CCDC88C: variants seen among roughly 807,000 people sequenced by gnomAD.
CCDC88C encodes the protein coiled-coil and HOOK domain protein 88C.
CCDC88C carries 131 observed loss-of-function variants against 198.8 expected under a neutral mutation model. That is an observed-to-expected ratio of 0.66 (90% CI 0.57 to 0.76). CCDC88C has a LOEUF of 0.76. Among genes scored for constraint, CCDC88C ranks in the 30% least tolerant of loss-of-function variants. The pLI is 0.00. For synonymous variants in CCDC88C, 1,166 were observed against 1,114.7 expected (o/e 1.05, Z -0.92); for missense variants, 2,553 against 2,631.6 (o/e 0.97, Z 0.65).
chr14:91,313,312 T>A lies in CCDC88C; in HGVS notation c.2504A>T (p.Lys835Met). 3.7e-6 allele frequency: 6 copies of A among 1,613,794 alleles called. No homozygotes were observed. The highest frequency in any genetic ancestry group is 5.1e-6 in the Non-Finnish European group (6 of 1,179,890). The change falls in exon 15 of 30, where the codon AAG (lysine) becomes ATG (methionine). Residue 835 changes from lysine to methionine, a missense_variant. Lys to Met is a moderately conservative substitution (Grantham distance 95, BLOSUM62 -1). This residue lies in a region of CCDC88C where 1,260 missense variants were observed against 1,412.0 expected (regional missense o/e 0.89). Coordinates refer to ENST00000389857, the MANE Select transcript of CCDC88C (RefSeq NM_001080414.4). The surrounding 1 kb of genome is among the most constrained non-coding windows in gnomAD (Gnocchi z 5.2). ...CCGCTTGGCCTCCTTCTCCAGCAGC[T>A]TCTTATCCTTCTCGAGCTGGGCCAC... ...QEVAQLEKDK[K>M]LLEKEAKRLW...
intron 3 of CCDC88C, among the ~76,000 whole-genome samples, chr14:91,366,498 TA>T (rs199878819): frequency 0.065 from 9,694 of 150,006 alleles, 1,035 homozygotes; most frequent in African/African-American, 0.22. Context: ...AATATAAAAA[TA>T]AAAAAAAACA....
chr14:91,344,608 T>G (rs546300788), intron 4 of CCDC88C, among the ~76,000 whole-genome samples: 3 of 150,992 alleles, frequency 2.0e-5, no homozygotes, highest in Non-Finnish European at 3.0e-5. Flanking sequence ...GCCTCCTGGG[T>G]TCATGCCATT....
intron 3 of CCDC88C, among the ~76,000 whole-genome samples, chr14:91,398,404 CCAA>C (rs1885975053): frequency 6.6e-6 from 1 of 152,204 alleles, no homozygotes; most frequent in African/African-American, 2.4e-5. Flanking sequence ...GCCTGTAACC[CCAA>C]CACCTTGGGA....
intron 2 of CCDC88C, among the ~76,000 whole-genome samples, chr14:91,410,279 A>G (rs1325964100): frequency 2.0e-5 from 3 of 152,198 alleles, no homozygotes; most frequent in Admixed American, 6.5e-5. Context: ...GACACCGCAA[A>G]GGATGGCTAA....
At position 91,293,361 on chromosome 14, in the gene CCDC88C, ACGGCCCACCT is replaced by A. The variant is rs1890783646; in HGVS notation, c.4112+802_4112+811del. 6.2e-5 allele frequency among the ~76,000 whole-genome samples: 5 copies of A among 80,924 alleles called. 1 individual carries two copies. The highest frequency in any genetic ancestry group is 4.7e-4 in the South Asian group (1 of 2,136). The allele number at this position is 80,924 out of a possible 152,430, so 53.1% of individuals were successfully genotyped here. A position where few individuals can be genotyped will look rare whatever the true frequency, so the allele number is the denominator to read the frequency against. On this transcript the variant is annotated intron_variant, in intron 23 of 29. Coordinates refer to ENST00000389857, the MANE Select transcript of CCDC88C (RefSeq NM_001080414.4). The stretch of plus-strand genomic sequence containing the variant: ...TCACCTTCCTGTCCCCTCGCCTGCC[ACGGCCCACCT>A]TCCTGCCCCCTCGCCTGCCACAGCC...
chr14:91,273,333 T>G lies in CCDC88C; in HGVS notation c.5379A>C (p.Ala1793=). 1.9e-6 allele frequency: 3 copies of G among 1,547,968 alleles called. No homozygotes were observed. The highest frequency in any genetic ancestry group is 1.2e-5 in the South Asian group (1 of 84,594). The stretch of plus-strand genomic sequence containing the variant: ...TCAAGGAGGCACTGCGGCTGGCAGG[T>G]GCATGGGAAGCTGGGGGCACCGGAG... ...RQAPVPPASH[A]PASRSASLSR... is the part of the protein sequence containing the mutation. The change falls in exon 30 of 30, where the codon GCA becomes GCC. Residue 1793 remains alanine (A), a synonymous_variant. Coordinates refer to ENST00000389857, the MANE Select transcript of CCDC88C (RefSeq NM_001080414.4). The surrounding 1 kb of genome is among the most constrained non-coding windows in gnomAD (Gnocchi z 5.6).
chr14:91,313,831 T>G lies in CCDC88C; in HGVS notation c.1985A>C (p.Glu662Ala). 1.2e-6 allele frequency: 2 copies of G among 1,603,372 alleles called. No homozygotes were observed. Among genetic ancestry groups the G allele is most frequent in the African/African-American group, 1.3e-5 (1 of 74,672 alleles). Residue 662 changes from glutamate to alanine, a missense_variant, in exon 15 of 30, where the codon GAG becomes GCG. Coordinates refer to ENST00000389857, the MANE Select transcript of CCDC88C (RefSeq NM_001080414.4). The surrounding 1 kb of genome is among the most constrained non-coding windows in gnomAD (Gnocchi z 5.2). ...TSLETATEKV[E>A]ALEHESQGLQ... ...GCCCTGGCTCTCATGCTCCAGGGCC[T>G]CGACTTTCTCGGTGGCTGTCTCCAG...
chr14:91,291,179 G>A, intron 23 of CCDC88C, 95 bp from the exon 24 acceptor site: 1 of 721,380 alleles, frequency 1.4e-6, no homozygotes, highest in Admixed American at 2.3e-5. Context: ...GTGTACCCGG[G>A]GCTGGTATTT....
intron 3 of CCDC88C, 149 bp from the exon 4 acceptor site, chr14:91,359,860 C>A (rs1389090638): frequency 7.3e-6 from 5 of 683,938 alleles, no homozygotes; most frequent in Non-Finnish European, 1.1e-5. Flanking sequence ...GCAAGGAGCA[C>A]GTAAGATGCA....
chr14:91,282,276 A>G (rs757659541), intron 26 of CCDC88C, among the ~76,000 whole-genome samples: 1 of 152,242 alleles, frequency 6.6e-6, no homozygotes, highest in Admixed American at 6.5e-5. Flanking sequence ...CATGGCTTCA[A>G]GAGTCAGGTG....
At chr14:91,281,291 A>G (rs1890186397) in intron 27 of CCDC88C, 166 bp downstream of exon 27, 2 of 1,514,318 alleles carry the variant, frequency 1.3e-6, no homozygotes, top group East Asian at 5.1e-5. Flanking sequence ...TGTAAGTAGA[A>G]GCTACACGCT....
At chr14:91,407,573 G>A (rs988420468) in intron 3 of CCDC88C, among the ~76,000 whole-genome samples, 10 of 152,306 alleles carry the variant, frequency 6.6e-5, no homozygotes, top group East Asian at 1.9e-4. Context: ...CCTGGAGGCC[G>A]AGGAGACAGC....
intron 4 of CCDC88C, among the ~76,000 whole-genome samples, chr14:91,350,500 CTTG>C (rs1023883030): frequency 6.6e-6 from 1 of 152,178 alleles, no homozygotes; most frequent in African/African-American, 2.4e-5. Flanking sequence ...GGAACTAATT[CTTG>C]TTGTGTATAA....
At position 91,283,398 on chromosome 14, in the gene CCDC88C, A is replaced by C. The variant is rs770292577; in HGVS notation, c.4561T>G (p.Ser1521Ala). The change falls in exon 26 of 30, where the codon TCA (serine) becomes GCA (alanine). Residue 1521 changes from serine (S) to alanine (A), a missense_variant. Transcript: ENST00000389857. ...WPSELGSRTC[S>A]TSATTTAPSN... ...GGGGCTGTAGTGGTGGCTGAAGTTG[A>C]GCAAGTCCGGGAGCCCAGCTCCGAG... The C allele has an allele frequency of 6.2e-7, 1 of 1,613,702 alleles. No homozygotes were observed. The highest frequency in any genetic ancestry group is 8.5e-7 in the Non-Finnish European group (1 of 1,179,810).
intron 3 of CCDC88C, among the ~76,000 whole-genome samples, chr14:91,401,332 T>TTATATATATATATA (rs10655580): frequency 1.5e-5 from 2 of 136,678 alleles, no homozygotes; most frequent in African/African-American, 5.4e-5. Context: ...ATTACATATA[T>TTATATATATATATA]TATATATATA....
In CCDC88C at chr14:91,383,344, G is replaced by C. The variant is rs529098089; in HGVS notation, c.271-23633C>G. Among the ~76,000 whole-genome samples the C allele has an allele frequency of 7.2e-5, 11 of 152,320 alleles. No homozygotes were observed. In the East Asian group the frequency reaches 1.4e-3, roughly 19 times the overall value. On this transcript the variant is annotated intron_variant, in intron 3 of 29. Coordinates refer to ENST00000389857, the MANE Select transcript of CCDC88C (RefSeq NM_001080414.4). ...TGGGGGGCCCAGCCAGGAATCTCAG[G>C]GGGCCATGAACAGAACCCCCAAGAA...
intron 4 of CCDC88C, among the ~76,000 whole-genome samples, chr14:91,357,513 G>T (rs551536014): frequency 1.3e-5 from 2 of 152,214 alleles, no homozygotes; most frequent in Admixed American, 6.5e-5. Context: ...CAGGGTGGGC[G>T]TGCTAAGGAG....
rs1892512747 is a variant in CCDC88C, at chr14:91,324,786, C to A, written c.1335G>T (p.Leu445Phe). 6.2e-7 allele frequency: 1 copy of A among 1,611,436 alleles called. No homozygotes were observed. Among genetic ancestry groups the A allele is most frequent in the East Asian group, 2.2e-5 (1 of 44,894 alleles). ...ELEQLSKNAD[L>F]SDASRKSFVF... Reference sequence around the variant, plus strand: ...GCACCAGGCGCTACCTACCGTCTGACAAGTCTGCGTTCTTGGACAGCTGCT... The same window carrying A: ...GCACCAGGCGCTACCTACCGTCTGAAAAGTCTGCGTTCTTGGACAGCTGCT... The change falls in exon 12 of 30, where the codon TTG (leucine) becomes TTT (phenylalanine). Residue 445 changes from leucine to phenylalanine, a missense_variant. This residue lies in a region of CCDC88C where 1,260 missense variants were observed against 1,412.0 expected (regional missense o/e 0.89). Coordinates refer to ENST00000389857, the MANE Select transcript of CCDC88C (RefSeq NM_001080414.4).
chr14:91,414,399 G>A (rs1886938477), intron 2 of CCDC88C, among the ~76,000 whole-genome samples: 1 of 152,170 alleles, frequency 6.6e-6, no homozygotes, highest in Admixed American at 6.5e-5. Flanking sequence ...TATGTAGGCT[G>A]TCCGATACAG....
Sources: allele counts gnomAD v4.1 joint callset (sites outside exome capture counted in the v4.1 genomes callset), GRCh38; gene constraint gnomAD v4.1.1; regional missense constraint gnomAD v4.1.1; non-coding constraint Gnocchi (gnomAD v3.1); transcripts MANE v1.5; gene names NCBI Gene and HGNC (gene_info 2026-07-23, HGNC 2026-07-21).